The following ETV3L variants were observed in gnomAD, a reference collection of about 807,000 sequenced individuals.
The protein encoded by ETV3L is ETS translocation variant 3-like protein.
In ETV3L, 30 loss-of-function variants were observed where a neutral mutation model predicts 27.6. That is an observed-to-expected ratio of 1.09 (90% confidence interval 0.81 to 1.48). ETV3L has a LOEUF of 1.48. Ranked by LOEUF, ETV3L falls within the 40% of genes most tolerant of loss-of-function variation. The pLI is 0.00. For missense variants in ETV3L, 443 were observed against 455.6 expected, an observed-to-expected ratio of 0.97 and a Z score of 0.25; for synonymous variants, 186 against 188.9, an observed-to-expected ratio of 0.98 and a Z score of 0.12.
Position 157,099,611 on chromosome 1 carries a change from G to C in ETV3L, c.-88C>G. ...AGGGAAGGAAGGAGGCAGAGGGGAG[G>C]ACAGTGAAAGAGGAAGGAAAAATGG... On this transcript the variant is annotated 5_prime_UTR_variant, in exon 1 of 5. Transcript: ENST00000454449. 10 of 1,117,220 alleles carry C rather than the reference G, an allele frequency of 9.0e-6. 1 individual carries two copies. Among genetic ancestry groups the C allele is most frequent in the Middle Eastern group, 1.9e-4 (1 of 5,140 alleles). 69.2% of individuals were successfully genotyped at this position (1,117,220 alleles called of 1,614,324 possible).
chr1:157,093,435 C>G (rs151278068), intron 4 of ETV3L, among the ~76,000 whole-genome samples: 1 of 151,718 alleles, frequency 6.6e-6, no homozygotes, highest in Non-Finnish European at 1.5e-5. Flanking sequence ...GATTGAGTCT[C>G]GCCATGTTGC....
Position 157,099,390 on chromosome 1 carries a change from G to A in ETV3L, c.59-12C>T, listed in dbSNP as rs770776463. 3 of 1,614,084 alleles carry A rather than the reference G, an allele frequency of 1.9e-6. No homozygotes were observed. Among genetic ancestry groups the A allele is most frequent in the South Asian group, 1.1e-5 (1 of 91,080 alleles). ...AGGGAAGGCCAACCCTGGGTGGAGA[G>A]GGGAGAGTGAGGGCTCTGGAGGCCC... On this transcript the variant is annotated splice_polypyrimidine_tract_variant and intron_variant, in intron 1 of 4. Transcript: ENST00000454449.
In ETV3L at chr1:157,093,128, C is replaced by G; in HGVS notation, c.608-1G>C. 6.9e-7 allele frequency: 1 copy of G among 1,446,154 alleles called. No individual in the cohort carries two copies. The allele number at this position is 1,446,154 out of a possible 1,614,324, so 89.6% of individuals were successfully genotyped here. A position where few individuals can be genotyped will look rare whatever the true frequency, so the allele number is the denominator to read the frequency against. On this transcript the variant is annotated splice_acceptor_variant, in intron 4 of 4. Transcript: ENST00000454449. LOFTEE classifies it high-confidence loss of function. Reference sequence around the variant, plus strand: ...CAGGGGCCTGGGGCAGAGCCAAGTCCTAGAGAAAGAAAGAGAGAAAGGGTC... The same window carrying G: ...CAGGGGCCTGGGGCAGAGCCAAGTCGTAGAGAAAGAAAGAGAGAAAGGGTC...
Position 157,099,576 on chromosome 1 carries a change from C to A in ETV3L, c.-53G>T. On this transcript the variant is annotated 5_prime_UTR_variant, in exon 1 of 5. Coordinates refer to ENST00000454449, the MANE Select transcript of ETV3L (RefSeq NM_001004341.2). ...CTGGGCCTTGGGGAAATGGTCACCA[C>A]TTAAGAGGAAGGGAAGGAAGGAGGC... The A allele has an allele frequency of 6.6e-7, 1 of 1,520,892 alleles. No individual in the cohort carries two copies. Among genetic ancestry groups the A allele is most frequent in the Non-Finnish European group, 9.0e-7 (1 of 1,113,532 alleles). 94.2% of individuals were successfully genotyped at this position (1,520,892 alleles called of 1,614,324 possible). A position where few individuals can be genotyped will look rare whatever the true frequency, so the allele number is the denominator to read the frequency against.
At chr1:157,096,825 A>T (rs892743592) in intron 4 of ETV3L, among the ~76,000 whole-genome samples, 2 of 152,202 alleles carry the variant, frequency 1.3e-5, no homozygotes, top group Admixed American at 6.5e-5. Context: ...AGGCTGAGGC[A>T]TGAGAATCGC....
rs189182296 is a variant in ETV3L, at chr1:157,092,646, T to C, written c.*3A>G. The C allele has an allele frequency of 4.2e-5, 66 of 1,586,262 alleles. No homozygotes were observed. The African/African-American group carries it at 6.1e-4, about 15-fold the overall frequency. Reference sequence around the variant, plus strand: ...CTCCCCAACTTCCCACCTTCCTCTCTAGTTAAGGAGGATCCAAGGGCCACA... The same window carrying C: ...CTCCCCAACTTCCCACCTTCCTCTCCAGTTAAGGAGGATCCAAGGGCCACA... On this transcript the variant is annotated 3_prime_UTR_variant, in exon 5 of 5. Coordinates refer to ENST00000454449, the MANE Select transcript of ETV3L (RefSeq NM_001004341.2).
chr1:157,093,094 C>G lies in ETV3L; in HGVS notation c.641G>C (p.Gly214Ala). The change falls in exon 5 of 5, where the codon GGC (glycine) becomes GCC (alanine). Residue 214 changes from glycine to alanine, a missense_variant. Physicochemically the swap from Gly to Ala is moderately conservative, Grantham distance 60. Coordinates refer to ENST00000454449, the MANE Select transcript of ETV3L (RefSeq NM_001004341.2). ...LGSAPGPCRLGLCCHLGSVQG... is the reference protein window; with the variant it reads ...LGSAPGPCRLALCCHLGSVQG... ...GACGCTCCCCAAATGGCAGCAAAGG[C>G]CCAGCCGGCAGGGGCCTGGGGCAGA... 1 of 1,472,476 alleles carries G rather than the reference C, an allele frequency of 6.8e-7. No individual in the cohort carries two copies. Among genetic ancestry groups the G allele is most frequent in the Non-Finnish European group, 9.0e-7 (1 of 1,111,294 alleles). The allele number at this position is 1,472,476 out of a possible 1,614,324, so 91.2% of individuals were successfully genotyped here.
At chr1:157,093,628 A>G (rs1674166250) in intron 4 of ETV3L, among the ~76,000 whole-genome samples, 1 of 151,416 alleles carries the variant, frequency 6.6e-6, no homozygotes, top group African/African-American at 2.4e-5. Context: ...AGTAGCTGAG[A>G]CTACATGTGC....
At chr1:157,097,310 T>C (rs555698445) in intron 4 of ETV3L, among the ~76,000 whole-genome samples, 1 of 151,506 alleles carries the variant, frequency 6.6e-6, no homozygotes, top group African/African-American at 2.4e-5. Context: ...CCGTCTTTAC[T>C]AAAAATACAA....
intron 3 of ETV3L, 59 bp downstream of exon 3, chr1:157,098,647 C>A: frequency 2.7e-6 from 4 of 1,477,908 alleles, no homozygotes; most frequent in Non-Finnish European, 3.6e-6. Flanking sequence ...TGGGGAGCCT[C>A]CTGGGCAGAG....
chr1:157,097,706 C>G (rs781131042), intron 4 of ETV3L, among the ~76,000 whole-genome samples, 162 bp downstream of exon 4: 1 of 152,158 alleles, frequency 6.6e-6, no homozygotes, highest in African/African-American at 2.4e-5. Flanking sequence ...TCTGAACCCC[C>G]GCACTTAGTA....
At chr1:157,093,149 G>T in intron 4 of ETV3L, 22 bp from the exon 5 acceptor site, 1 of 1,422,760 alleles carries the variant, frequency 7.0e-7, no homozygotes, top group Non-Finnish European at 9.2e-7. Flanking sequence ...AAGAGAGAAA[G>T]GGTCAAGGGA....
intron 3 of ETV3L, 36 bp downstream of exon 3, chr1:157,098,670 G>A (rs747335015): frequency 2.0e-6 from 3 of 1,535,220 alleles, no homozygotes; most frequent in Admixed American, 2.0e-5. Flanking sequence ...GTAGGACCTG[G>A]TGGAGCCCTG....
At position 157,092,830 on chromosome 1, in the gene ETV3L, A is replaced by G. The variant is rs1359014867; in HGVS notation, c.905T>C (p.Leu302Pro). Residue 302 changes from leucine (L) to proline (P), a missense_variant, in exon 5 of 5, where the codon CTC becomes CCC. Transcript: ENST00000454449. ...LGQGAGERLW[L>P]LSLRPEGLEV... ...CAGCCCCTCGGGCCTGAGGGACAAG[A>G]GCCAAAGCCTCTCACCCGCACCCTG... The G allele has an allele frequency of 1.2e-6, 2 of 1,614,108 alleles. No individual in the cohort carries two copies. The highest frequency in any genetic ancestry group is 2.2e-5 in the East Asian group (1 of 44,874).
intron 3 of ETV3L, 114 bp from the exon 4 acceptor site, chr1:157,098,102 T>TC (rs1289838122): frequency 2.7e-6 from 1 of 373,450 alleles, no homozygotes; most frequent in African/African-American, 2.3e-5. Flanking sequence ...CTCATACCGA[T>TC]TTTTTTTTTT....
intron 4 of ETV3L, among the ~76,000 whole-genome samples, chr1:157,095,903 C>T (rs547235919): frequency 6.6e-6 from 1 of 152,282 alleles, no homozygotes; most frequent in Admixed American, 6.5e-5. Context: ...GCACAAGAGC[C>T]TTGGTTTGGC....
chr1:157,092,767 C>T lies in ETV3L; in HGVS notation c.968G>A (p.Gly323Asp). 2 of 1,614,180 alleles carry T rather than the reference C, an allele frequency of 1.2e-6. No individual in the cohort carries two copies. Among genetic ancestry groups the T allele is most frequent in the Non-Finnish European group, 1.7e-6 (2 of 1,180,022 alleles). The change falls in exon 5 of 5, where the codon GGC becomes GAC. Residue 323 changes from glycine to aspartate, a missense_variant. Transcript: ENST00000454449. ...GCAGAAGACCTCCCTGGGATCCAGG[C>T]CTCCCTTTGCCTCCATCATGGGAGC... is the stretch of plus-strand genomic sequence containing the variant. ...KPAPMMEAKG[G>D]LDPREVFCPE...
Position 157,098,051 on chromosome 1 carries a change from A to T in ETV3L, c.487-63T>A, listed in dbSNP as rs935625512. ...CTCCTTGGCATGTATCCTCCAGTAC[A>T]ATCTGGTACTGTTAGCCAGTTGCTA... On this transcript the variant is annotated intron_variant, in intron 3 of 4. Coordinates refer to ENST00000454449, the MANE Select transcript of ETV3L (RefSeq NM_001004341.2). 6.7e-6 allele frequency: 10 copies of T among 1,491,894 alleles called. No homozygotes were observed. The African/African-American group carries it at 1.0e-4, about 15-fold the overall frequency. 92.4% of individuals were successfully genotyped at this position (1,491,894 alleles called of 1,614,324 possible). A position where few individuals can be genotyped will look rare whatever the true frequency, so the allele number is the denominator to read the frequency against.
At position 157,097,922 on chromosome 1, in the gene ETV3L, G is replaced by A. The variant is rs774561118; in HGVS notation, c.553C>T (p.Arg185Ter). 3.1e-6 allele frequency: 5 copies of A among 1,613,028 alleles called. No homozygotes were observed. In the South Asian group the frequency reaches 3.3e-5, roughly 11 times the overall value. Residue 185 changes from arginine (R) to a stop codon, truncating the protein, a stop_gained, in exon 4 of 5, where the codon CGA (arginine) becomes TGA (stop). Transcript: ENST00000454449. LOFTEE classifies it high-confidence loss of function. ...TCCCCAGAGGTCTCTGGTGGCCCTCGGGGGGTCTGCTGTCCTGTCAGCTGC... is the reference window on the plus strand; with the variant it reads ...TCCCCAGAGGTCTCTGGTGGCCCTCAGGGGGTCTGCTGTCCTGTCAGCTGC... ...VEQLTGQQTP[R>*]GPPETSGDKK...
Sources: allele counts gnomAD v4.1 joint callset (sites outside exome capture counted in the v4.1 genomes callset), GRCh38; gene constraint gnomAD v4.1.1; transcripts MANE v1.5; gene names NCBI Gene and HGNC (gene_info 2026-07-23, HGNC 2026-07-21).